CENPE: variants seen among roughly 807,000 people sequenced by gnomAD.
The protein encoded by CENPE is centromere protein E.
Under a neutral mutation model 336.1 loss-of-function variants are expected in CENPE, and 145 were observed. The observed-to-expected ratio is 0.43, with a 90% confidence interval of 0.38 to 0.50. CENPE has a LOEUF of 0.50. Ranked by LOEUF, CENPE falls within the 20% of genes least tolerant of loss-of-function variation. The pLI is 0.00. For synonymous variants in CENPE, 1,013 were observed against 984.8 expected (o/e 1.03, Z -0.54); for missense variants, 2,719 against 3,023.3 (o/e 0.90, Z 2.36).
intron 11 of CENPE, 33 bp downstream of exon 11, chr4:103,182,729 C>A: frequency 6.5e-7 from 1 of 1,537,706 alleles, no homozygotes; most frequent in Admixed American, 1.9e-5. Context: ...CTGATCTTCC[C>A]CTATATTAAG....
intron 24 of CENPE, among the ~76,000 whole-genome samples, chr4:103,156,826 G>T (rs1461157579): frequency 2.0e-5 from 3 of 151,922 alleles, no homozygotes; most frequent in Non-Finnish European, 4.4e-5. Context: ...TTGCAATATT[G>T]CATATAACTG....
intron 24 of CENPE, among the ~76,000 whole-genome samples, chr4:103,153,642 CATTA>C (rs1753739297): frequency 6.6e-6 from 1 of 152,168 alleles, no homozygotes; most frequent in African/African-American, 2.4e-5. Context: ...GACATTAATA[CATTA>C]ATTAAAGGAT....
intron 28 of CENPE, among the ~76,000 whole-genome samples, chr4:103,148,301 A>C (rs1315322153): frequency 6.6e-6 from 1 of 152,034 alleles, no homozygotes; most frequent in Non-Finnish European, 1.5e-5. Flanking sequence ...TAAATGTATG[A>C]TCTCCATTTT....
In CENPE at chr4:103,153,045, A is replaced by G; in HGVS notation, c.3237+2T>C. ...TGCCAAGTATACAGTGCTAAATCCT[A>G]CCATTTCAATATTTTCCTTTAGGTC... On this transcript the variant is annotated splice_donor_variant, in intron 25 of 48. Coordinates refer to ENST00000265148, the MANE Select transcript of CENPE (RefSeq NM_001813.3). LOFTEE classifies it high-confidence loss of function. 1 of 1,604,216 alleles carries G rather than the reference A, an allele frequency of 6.2e-7. No individual in the cohort carries two copies. The highest frequency in any genetic ancestry group is 8.5e-7 in the Non-Finnish European group (1 of 1,174,284).
chr4:103,189,376 G>A (rs1338876368), intron 8 of CENPE, among the ~76,000 whole-genome samples: 3 of 152,016 alleles, frequency 2.0e-5, no homozygotes, highest in African/African-American at 4.8e-5. Flanking sequence ...GATGAACATC[G>A]ATACAAAAAT....
intron 33 of CENPE, 49 bp downstream of exon 33, chr4:103,144,282 T>G: frequency 1.3e-6 from 2 of 1,490,828 alleles, no homozygotes; most frequent in Non-Finnish European, 1.8e-6. Context: ...ATTTTTCTCT[T>G]AGGACTCAAT....
chr4:103,195,940 T>C lies in CENPE; in HGVS notation c.337A>G (p.Ile113Val). The C allele has an allele frequency of 1.2e-6, 2 of 1,612,652 alleles. No homozygotes were observed. The highest frequency in any genetic ancestry group is 1.1e-5 in the South Asian group (1 of 91,048). Residue 113 changes from isoleucine (I) to valine (V), a missense_variant, in exon 4 of 49, where the codon ATT (isoleucine) becomes GTT (valine). By Grantham distance (29) the Ile-to-Val change is conservative. Transcript: ENST00000265148. Reference protein sequence around the residue: ...LGVIPRAIHDIFQKIKKFPDR... With the variant: ...LGVIPRAIHDVFQKIKKFPDR... ...CTTACCTTCTTAATTTTTTGGAAAA[T>C]GTCATGAATTGCCCTGGGTATAACT...
intron 36 of CENPE, 115 bp from the exon 37 acceptor site, chr4:103,140,529 A>T: frequency 1.2e-6 from 1 of 805,614 alleles, no homozygotes; most frequent in Non-Finnish European, 1.9e-6. Context: ...AAAAACAACC[A>T]TTATACAACC....
At chr4:103,195,018 A>C (rs1459231199) in intron 5 of CENPE, 96 bp downstream of exon 5, 21 of 1,091,084 alleles carry the variant, frequency 1.9e-5, no homozygotes, top group Non-Finnish European at 2.7e-5. Context: ...GAAATAGGAG[A>C]CACTTTAAAA....
chr4:103,116,771 T>TCA (rs1447542726), intron 44 of CENPE, 82 bp from the exon 45 acceptor site: 5 of 694,882 alleles, frequency 7.2e-6, no homozygotes, highest in African/African-American at 1.9e-5. Flanking sequence ...TAGCTGTCTT[T>TCA]GCTCTAATAA....
rs1756234670 is a variant in CENPE, at chr4:103,180,463, A to G, written c.1090T>C (p.Leu364=). ...TCCATTGCCTGAGCCCGCGTCTCTA[A>G]AGAAACCTATAGAATGCAATATTGG... is the stretch of plus-strand genomic sequence containing the variant. The part of the protein sequence containing the change: ...DLKKQLEEVS[L]ETRAQAMEKD... The change falls in exon 13 of 49, where the codon TTA becomes CTA. Residue 364 remains leucine (L), a synonymous_variant. Coordinates refer to ENST00000265148, the MANE Select transcript of CENPE (RefSeq NM_001813.3). 1.7e-5 allele frequency: 28 copies of G among 1,608,866 alleles called. No individual in the cohort carries two copies. Among genetic ancestry groups the G allele is most frequent in the Non-Finnish European group, 2.4e-5 (28 of 1,176,944 alleles).
chr4:103,165,221 T>C (rs1473672108), intron 16 of CENPE, among the ~76,000 whole-genome samples: 2 of 152,196 alleles, frequency 1.3e-5, no homozygotes, highest in African/African-American at 4.8e-5. Context: ...ACCATTTAAA[T>C]TGCAGATTTA....
chr4:103,169,655 G>A (rs138320655), intron 16 of CENPE, among the ~76,000 whole-genome samples: 1,773 of 152,278 alleles, frequency 0.012, 36 homozygotes, highest in African/African-American at 0.041. Context: ...AGAGGATGTG[G>A]AGAAATAGGA....
intron 18 of CENPE, among the ~76,000 whole-genome samples, chr4:103,162,821 G>T (rs1212851745): frequency 6.6e-6 from 1 of 152,078 alleles, no homozygotes; most frequent in Non-Finnish European, 1.5e-5. Flanking sequence ...GCCTCCCAAA[G>T]TACTGGCATC....
chr4:103,182,008 C>T (rs540196421), intron 11 of CENPE: 2 of 152,108 alleles, frequency 1.3e-5, no homozygotes, highest in Non-Finnish European at 2.9e-5. Flanking sequence ...GTGGGTACAC[C>T]AAGGTGACCA....
intron 47 of CENPE, 24 bp downstream of exon 47, chr4:103,110,804 C>T: frequency 5.9e-6 from 9 of 1,535,066 alleles, no homozygotes; most frequent in Non-Finnish European, 7.9e-6. Flanking sequence ...AGCATAATAT[C>T]CGTATCATGT....
chr4:103,111,768 G>T (rs371110091), intron 46 of CENPE, among the ~76,000 whole-genome samples: 2 of 151,804 alleles, frequency 1.3e-5, no homozygotes, highest in Non-Finnish European at 2.9e-5. Flanking sequence ...AAGTTTTCTC[G>T]GTAGGTGCTG....
intron 34 of CENPE, among the ~76,000 whole-genome samples, chr4:103,142,877 A>G (rs537231415): frequency 6.6e-6 from 1 of 151,816 alleles, no homozygotes; most frequent in African/African-American, 2.4e-5. Flanking sequence ...GTGTGATGAC[A>G]TGCATCTGTA....
chr4:103,107,877 C>T (rs763842995), intron 48 of CENPE, among the ~76,000 whole-genome samples: 7 of 152,192 alleles, frequency 4.6e-5, no homozygotes, highest in Non-Finnish European at 5.9e-5. Context: ...CTCATGTTCT[C>T]CTGCCATTGC....
Sources: gnomAD v4.1 joint callset for allele counts (sites outside exome capture counted in the v4.1 genomes callset) on GRCh38, gnomAD v4.1.1 for gene constraint, MANE v1.5 for transcripts, NCBI Gene and HGNC (gene_info 2026-07-23, HGNC 2026-07-21) for gene names.